Variants in ARHGEF10 observed in about 807,000 individuals in gnomAD.
ARHGEF10 encodes the protein Rho guanine nucleotide exchange factor 10, also known as Rho guanine nucleotide exchange factor (GEF) 10.
ARHGEF10 carries 140 observed loss-of-function variants against 147.4 expected under a neutral mutation model. The ratio of observed to expected loss-of-function variants is 0.95; its 90% CI spans 0.83 to 1.09. The LOEUF (loss-of-function observed/expected upper bound fraction) is 1.09, where lower values mean the gene tolerates loss of function less well. Ranked by LOEUF, ARHGEF10 falls within the 50% of genes least tolerant of loss-of-function variation. The pLI is 0.00. For synonymous variants in ARHGEF10, 902 were observed against 695.8 expected (o/e 1.30, Z -4.67); for missense variants, 2,222 against 1,752.7 (o/e 1.27, Z -4.78).
chr8:1,869,085 C>A, intron 6 of ARHGEF10, 109 bp from the exon 7 acceptor site: 2 of 1,075,234 alleles, frequency 1.9e-6, no homozygotes, highest in South Asian at 1.3e-5. Context: ...CCTTATAAAC[C>A]AACTTTTTGA....
chr8:1,922,223 G>C (rs7015556), intron 18 of ARHGEF10, among the ~76,000 whole-genome samples: 119,168 of 150,898 alleles, frequency 0.79, 47,686 homozygotes, highest in East Asian at 1. Flanking sequence ...GACACGCGTC[G>C]TTCCTCTAAC....
intron 26 of ARHGEF10, among the ~76,000 whole-genome samples, chr8:1,935,123 A>G (rs1813470371): frequency 1.3e-5 from 2 of 152,274 alleles, no homozygotes; most frequent in South Asian, 2.1e-4. Context: ...TTATTAATAA[A>G]CTTTATTTTT....
chr8:1,868,283 C>T (rs530430917), intron 6 of ARHGEF10, among the ~76,000 whole-genome samples: 15 of 152,052 alleles, frequency 9.9e-5, no homozygotes, highest in African/African-American at 3.4e-4. Flanking sequence ...GGGGAGAGTT[C>T]GGGTTTGTTG....
chr8:1,860,216 G>A, intron 4 of ARHGEF10, 32 bp downstream of exon 4: 1 of 1,606,602 alleles, frequency 6.2e-7, no homozygotes, highest in Non-Finnish European at 8.5e-7. Context: ...CGCCCCCGAA[G>A]TGGCCTGTGG....
At chr8:1,902,578 C>T (rs1315396693) in intron 15 of ARHGEF10, among the ~76,000 whole-genome samples, 1 of 152,042 alleles carries the variant, frequency 6.6e-6, no homozygotes, top group East Asian at 1.9e-4. Context: ...GGTTTCCCAT[C>T]TACCCCTCCC....
chr8:1,922,420 A>G (rs1332146715), intron 18 of ARHGEF10, among the ~76,000 whole-genome samples: 1 of 152,194 alleles, frequency 6.6e-6, no homozygotes, highest in Non-Finnish European at 1.5e-5. Flanking sequence ...AAAATACAAA[A>G]GGGACAAAAC....
chr8:1,851,370 C>T (rs1450070718), intron 2 of ARHGEF10, among the ~76,000 whole-genome samples: 2 of 151,730 alleles, frequency 1.3e-5, no homozygotes, highest in East Asian at 3.9e-4. Flanking sequence ...TGACATACCT[C>T]ATTGTTGGCT....
chr8:1,953,159 AGAAG>A (rs888288358), intron 28 of ARHGEF10, among the ~76,000 whole-genome samples: 1 of 146,922 alleles, frequency 6.8e-6, no homozygotes, highest in African/African-American at 2.7e-5. Context: ...TATATTGTGA[AGAAG>A]GAAGCCGGGA....
At chr8:1,925,970 GA>G (rs1286069822) in intron 22 of ARHGEF10, among the ~76,000 whole-genome samples, 2 of 152,196 alleles carry the variant, frequency 1.3e-5, no homozygotes, top group Non-Finnish European at 2.9e-5. Flanking sequence ...CAGCTCCCCT[GA>G]CCCCTCCTGT....
rs2129087914 is a variant in ARHGEF10, at chr8:1,866,521, T to G, written c.546-5T>G. On this transcript the variant is annotated splice_polypyrimidine_tract_variant and splice_region_variant and intron_variant, in intron 5 of 28. Coordinates refer to ENST00000349830, the MANE Select transcript of ARHGEF10 (RefSeq NM_014629.4). ...ATTCTGACTTTATGGTTTGTTTTCT[T>G]TAAGTGAAGATCAAGTCGGTCGAGA... 1.2e-6 allele frequency: 2 copies of G among 1,612,194 alleles called. No homozygotes were observed. Among genetic ancestry groups the G allele is most frequent in the East Asian group, 4.5e-5 (2 of 44,852 alleles).
At chr8:1,832,959 GGC>G (rs1294374422) in intron 1 of ARHGEF10, among the ~76,000 whole-genome samples, 3 of 86,454 alleles carry the variant, frequency 3.5e-5, no homozygotes, top group African/African-American at 9.6e-5. Flanking sequence ...CAGAGGCAGA[GGC>G]AGATACAGAG....
intron 15 of ARHGEF10, among the ~76,000 whole-genome samples, chr8:1,900,187 C>T (rs989594963): frequency 1.6e-4 from 25 of 151,954 alleles, no homozygotes; most frequent in Non-Finnish European, 7.4e-5. Flanking sequence ...AAGTAAGTAA[C>T]TATTTTTGCC....
At chr8:1,836,294 C>G in intron 1 of ARHGEF10, among the ~76,000 whole-genome samples, 1 of 152,180 alleles carries the variant, frequency 6.6e-6, no homozygotes, top group East Asian at 1.9e-4. Context: ...GCAGCCCAGG[C>G]AGGTATGAGC....
intron 12 of ARHGEF10, 92 bp from the exon 13 acceptor site, chr8:1,894,301 G>T: frequency 1.5e-6 from 2 of 1,364,062 alleles, no homozygotes; most frequent in South Asian, 2.4e-5. Flanking sequence ...AGTGAGCCAT[G>T]ATCGCACCAC....
Position 1,866,591 on chromosome 8 carries a change from C to T in ARHGEF10, c.611C>T (p.Ala204Val). The stretch of plus-strand genomic sequence containing the variant: ...TGGGCCGCAGACCCGGCCAACACAG[C>T]CTGGATGGAGAGTAAGTTCCCCAGC... ...ARWAADPANT[A>V]WMENPEEAIY... The change falls in exon 6 of 29, where the codon GCC (alanine) becomes GTC (valine). Residue 204 changes from alanine to valine, a missense_variant. Transcript: ENST00000349830. 2 of 1,605,750 alleles carry T rather than the reference C, an allele frequency of 1.2e-6. No homozygotes were observed. Among genetic ancestry groups the T allele is most frequent in the Admixed American group, 1.7e-5 (1 of 60,026 alleles).
intron 7 of ARHGEF10, 199 bp from the exon 8 acceptor site, chr8:1,876,372 T>TCCCCGGC: frequency 1.6e-6 from 1 of 624,434 alleles, no homozygotes. Flanking sequence ...TTCCCCAGCC[T>TCCCCGGC]CCCCGGCCCT....
chr8:1,895,917 C>T (rs1183234403), intron 13 of ARHGEF10, among the ~76,000 whole-genome samples: 1 of 152,142 alleles, frequency 6.6e-6, no homozygotes, highest in Non-Finnish European at 1.5e-5. Flanking sequence ...GCCCCCATTT[C>T]TAGGGTGTGG....
At chr8:1,884,001 C>A (rs1368134594) in intron 10 of ARHGEF10, among the ~76,000 whole-genome samples, 1 of 152,154 alleles carries the variant, frequency 6.6e-6, no homozygotes, top group Admixed American at 6.5e-5. Flanking sequence ...GTGGGACAGT[C>A]TGAGAAGCCC....
chr8:1,945,508 G>T lies in ARHGEF10; in HGVS notation c.3250G>T (p.Gly1084Cys), dbSNP rs777514485. Reference sequence around the variant, plus strand: ...TCAGCTGGAGGCCCACCAGGAGGAAGGCATGGTGATCTCCCACATGGCCGT... The same window carrying T: ...TCAGCTGGAGGCCCACCAGGAGGAATGCATGGTGATCTCCCACATGGCCGT... The part of the protein sequence containing the change: ...EGQLEAHQEE[G>C]MVISHMAVSG... The change falls in exon 27 of 29, where the codon GGC becomes TGC. Residue 1084 changes from glycine (G) to cysteine (C), a missense_variant. Coordinates refer to ENST00000349830, the MANE Select transcript of ARHGEF10 (RefSeq NM_014629.4). The T allele has an allele frequency of 5.6e-6, 9 of 1,611,070 alleles. No individual in the cohort carries two copies. The East Asian group carries it at 2.0e-4, about 36-fold the overall frequency.
Sources: allele counts gnomAD v4.1 joint callset (sites outside exome capture counted in the v4.1 genomes callset), GRCh38; gene constraint gnomAD v4.1.1; transcripts MANE v1.5; gene names NCBI Gene and HGNC (gene_info 2026-07-23, HGNC 2026-07-21).